Variants in ZFYVE1 observed in about 807,000 individuals in gnomAD.
ZFYVE1 encodes the protein zinc finger FYVE-type containing 1, also known as zinc finger FYVE domain-containing protein 1.
Under a neutral mutation model 74.4 loss-of-function variants are expected in ZFYVE1, and 30 were observed. That is an observed-to-expected ratio of 0.40 (90% confidence interval 0.30 to 0.55). ZFYVE1 has a LOEUF of 0.55. Among genes scored for constraint, ZFYVE1 ranks in the 20% least tolerant of loss-of-function variants. The pLI is 0.42. For missense variants in ZFYVE1, 703 were observed against 1,011.6 expected (o/e 0.69, Z 4.14); for synonymous variants, 335 against 385.1 (o/e 0.87, Z 1.52).
intron 4 of ZFYVE1, among the ~76,000 whole-genome samples, chr14:72,989,952 A>G (rs919106442): frequency 2.0e-5 from 3 of 152,202 alleles, no homozygotes; most frequent in African/African-American, 7.2e-5. Flanking sequence ...AAATTAATAC[A>G]ACAGCATAAA....
rs944072203 is a variant in ZFYVE1 at position 72,975,982 on chromosome 14, G to A, written c.1636-261C>T. On this transcript the variant is annotated intron_variant, in intron 8 of 11. Transcript: ENST00000556143. The surrounding 1 kb of genome is among the most constrained non-coding windows in gnomAD (Gnocchi z 4.1). ...GATGACACCTCCTCCAGGGGGCCCC[G>A]CACCGCAGGCTGAGTTAAGAACCTT... 5.0e-5 allele frequency: 19 copies of A among 377,526 alleles called. No individual in the cohort carries two copies. Among genetic ancestry groups the A allele is most frequent in the Admixed American group, 1.7e-4 (4 of 23,306 alleles). The allele number at this position is 377,526 out of a possible 1,614,324, so 23.4% of individuals were successfully genotyped here. A position where few individuals can be genotyped will look rare whatever the true frequency, so the allele number is the denominator to read the frequency against.
At chr14:72,987,549 C>T (rs1342458676) in intron 4 of ZFYVE1, among the ~76,000 whole-genome samples, 1 of 151,972 alleles carries the variant, frequency 6.6e-6, no homozygotes, top group Non-Finnish European at 1.5e-5. Context: ...GAGCCAGACC[C>T]TGTCTTAAAA....
chr14:72,982,730 G>C (rs1594836132), intron 4 of ZFYVE1, among the ~76,000 whole-genome samples: 1 of 152,186 alleles, frequency 6.6e-6, no homozygotes, highest in East Asian at 1.9e-4. Flanking sequence ...GAAAATAAGG[G>C]AAAGAAGCCT....
intron 5 of ZFYVE1, 35 bp downstream of exon 5, chr14:72,981,754 T>A: frequency 1.3e-6 from 2 of 1,590,794 alleles, no homozygotes; most frequent in Non-Finnish European, 1.7e-6. Flanking sequence ...ATTCTCAAGG[T>A]ATGGGGTGGG....
chr14:72,997,353 ATTC>A (rs1893772073), intron 3 of ZFYVE1, among the ~76,000 whole-genome samples: 1 of 151,840 alleles, frequency 6.6e-6, no homozygotes, highest in Admixed American at 6.6e-5. Flanking sequence ...GAATAAAGTA[ATTC>A]TTCTCCTAAT....
intron 2 of ZFYVE1, among the ~76,000 whole-genome samples, chr14:73,023,330 T>TTATATATGTTTTATATATAATA: frequency 1.9e-5 from 1 of 53,944 alleles, no homozygotes; most frequent in South Asian, 4.5e-4. Context: ...ATAATATATA[T>TTATATATGTTTTATATATAATA]TATATATGTT....
intron 11 of ZFYVE1, among the ~76,000 whole-genome samples, chr14:72,971,353 T>C (rs1178334821): frequency 6.6e-6 from 1 of 152,210 alleles, no homozygotes; most frequent in East Asian, 1.9e-4. Context: ...TAAGATTTTT[T>C]GGAGTCAGAG....
intron 4 of ZFYVE1, among the ~76,000 whole-genome samples, chr14:72,985,749 TAAAA>T (rs111464416): frequency 2.2e-4 from 32 of 143,812 alleles, no homozygotes; most frequent in African/African-American, 6.9e-4. Flanking sequence ...AATTATTATT[TAAAA>T]AAAAAAAAAG....
At position 72,992,620 on chromosome 14, in the gene ZFYVE1, C is replaced by G. The variant is rs1363709213; in HGVS notation, c.1203+523G>C. Among the ~76,000 whole-genome samples the G allele has an allele frequency of 2.7e-5, 3 of 111,112 alleles. 1 individual carries two copies. The highest frequency in any genetic ancestry group is 7.1e-5 in the African/African-American group (2 of 28,096). 72.9% of individuals were successfully genotyped at this position (111,112 alleles called of 152,430 possible). On this transcript the variant is annotated intron_variant, in intron 4 of 11. Transcript: ENST00000556143. Reference sequence around the variant, plus strand: ...GGGGGAGGTCCCATTCAGGTGCCCCCCCCGCCCCTTGCAAGAGAGAGAGAG... The same window carrying G: ...GGGGGAGGTCCCATTCAGGTGCCCCGCCCGCCCCTTGCAAGAGAGAGAGAG...
intron 2 of ZFYVE1, among the ~76,000 whole-genome samples, chr14:73,014,922 A>G (rs913499477): frequency 1.3e-5 from 2 of 152,018 alleles, no homozygotes; most frequent in Admixed American, 1.3e-4. Flanking sequence ...AGACCAGTAC[A>G]CCCAGTTTGT....
rs113953436 is a variant in ZFYVE1 at position 72,969,743 on chromosome 14, C to CAT, written c.*1138_*1139insAT. ...ACGGGCCCTTTCCAGTCATGACAGA[C>CAT]AGAGATGTCCAGGCTCTTGAGGAGA... On this transcript the variant is annotated 3_prime_UTR_variant, in exon 12 of 12. Transcript: ENST00000556143. 9.4e-3 allele frequency: 6,614 copies of CAT among 702,654 alleles called. 244 individuals carry two copies. The highest frequency in any genetic ancestry group is 0.092 in the African/African-American group (5,261 of 57,320). The allele number at this position is 702,654 out of a possible 1,614,324, so 43.5% of individuals were successfully genotyped here. A position where few individuals can be genotyped will look rare whatever the true frequency, so the allele number is the denominator to read the frequency against.
At chr14:73,005,303 G>A (rs898760684) in intron 2 of ZFYVE1, among the ~76,000 whole-genome samples, 16 of 152,202 alleles carry the variant, frequency 1.1e-4, no homozygotes, top group African/African-American at 1.7e-4. Flanking sequence ...AGGAAGGAAC[G>A]AAGCTCCAGC....
At position 73,024,074 on chromosome 14, in the gene ZFYVE1, A is replaced by G. The variant is rs781618528; in HGVS notation, c.435T>C (p.Thr145=). 5.0e-6 allele frequency: 8 copies of G among 1,613,966 alleles called. No homozygotes were observed. The highest frequency in any genetic ancestry group is 3.3e-5 in the Admixed American group (2 of 59,976). Residue 145 remains threonine (T), a synonymous_variant, in exon 2 of 12, where the codon ACT becomes ACC. Coordinates refer to ENST00000556143, the MANE Select transcript of ZFYVE1 (RefSeq NM_021260.4). ...MDEETKRKKM[T]EKVVSFLLVD... is the part of the protein sequence containing the mutation. ...CTAGGAGGAAACTCACAACCTTCTC[A>G]GTCATCTTCTTCCTCTTGGTCTCCT...
intron 2 of ZFYVE1, 104 bp from the exon 3 acceptor site, chr14:72,998,419 G>A: frequency 4.4e-6 from 5 of 1,142,450 alleles, no homozygotes; most frequent in Non-Finnish European, 4.7e-6. Flanking sequence ...TGATTGAATT[G>A]TCAAAGAAAG....
At chr14:73,013,272 T>C (rs1894125747) in intron 2 of ZFYVE1, among the ~76,000 whole-genome samples, 1 of 152,018 alleles carries the variant, frequency 6.6e-6, no homozygotes, top group Admixed American at 6.6e-5. Flanking sequence ...TATAAACCAG[T>C]CAACAGAGGC....
chr14:72,978,795 G>T, intron 6 of ZFYVE1, 66 bp downstream of exon 6: 1 of 1,376,048 alleles, frequency 7.3e-7, no homozygotes, highest in Non-Finnish European at 1.0e-6. Context: ...CCCCAAGATA[G>T]TCTTGCCAAA....
chr14:72,982,953 C>T (rs1893375958), intron 4 of ZFYVE1, among the ~76,000 whole-genome samples: 1 of 152,092 alleles, frequency 6.6e-6, no homozygotes, highest in African/African-American at 2.4e-5. Context: ...AAGAGATTCC[C>T]CTGCCTCAGC....
chr14:73,004,890 T>G (rs1893945069), intron 2 of ZFYVE1, among the ~76,000 whole-genome samples: 1 of 151,266 alleles, frequency 6.6e-6, no homozygotes, highest in Non-Finnish European at 1.5e-5. Flanking sequence ...TCTCAACTAC[T>G]CAGGAGGCTG....
rs776461958 is a variant in ZFYVE1 at position 72,969,825 on chromosome 14, C to T, written c.*1057G>A. On this transcript the variant is annotated 3_prime_UTR_variant, in exon 12 of 12. Coordinates refer to ENST00000556143, the MANE Select transcript of ZFYVE1 (RefSeq NM_021260.4). ...ACCAAAGAGATAAATTTTTTCTTTA[C>T]GATCTGTTGAAATATTTATATAGAC... 16 of 678,444 alleles carry T rather than the reference C, an allele frequency of 2.4e-5. No individual in the cohort carries two copies. The highest frequency in any genetic ancestry group is 1.2e-4 in the Admixed American group (5 of 42,786). The allele number at this position is 678,444 out of a possible 1,614,324, so 42.0% of individuals were successfully genotyped here. A position where few individuals can be genotyped will look rare whatever the true frequency, so the allele number is the denominator to read the frequency against.
Sources: gnomAD v4.1 joint callset for allele counts (sites outside exome capture counted in the v4.1 genomes callset) on GRCh38, gnomAD v4.1.1 for gene constraint, Gnocchi (gnomAD v3.1) non-coding constraint, MANE v1.5 for transcripts, NCBI Gene and HGNC (gene_info 2026-07-23, HGNC 2026-07-21) for gene names.